Variants in SP140L observed in about 807,000 individuals in gnomAD.
The protein encoded by SP140L is nuclear body protein SP140-like protein.
SP140L carries 64 observed loss-of-function variants against 84.3 expected under a neutral mutation model. That is an observed-to-expected ratio of 0.76 (90% confidence interval 0.62 to 0.94). The LOEUF is 0.94. Ranked by LOEUF, SP140L falls within the 40% of genes least tolerant of loss-of-function variation. The probability of loss-of-function intolerance (pLI) is 0.00; values close to 1 mark genes in which losing one functional copy is unlikely to be tolerated. For synonymous variants in SP140L, 242 were observed against 236.9 expected, an observed-to-expected ratio of 1.02 and a Z score of -0.20; for missense variants, 628 against 692.5, an observed-to-expected ratio of 0.91 and a Z score of 1.05.
At chr2:230,370,068 T>A (rs770930267) in intron 5 of SP140L, among the ~76,000 whole-genome samples, 11 of 152,264 alleles carry the variant, frequency 7.2e-5, no homozygotes, top group East Asian at 1.9e-4. Context: ...CACCGCACCC[T>A]GCCACTTCTT....
chr2:230,376,676 T>G (rs992412672), intron 7 of SP140L, among the ~76,000 whole-genome samples: 3 of 152,090 alleles, frequency 2.0e-5, no homozygotes, highest in African/African-American at 7.2e-5. Flanking sequence ...CAATGAAATC[T>G]CTATCAAAAT....
At chr2:230,342,514 C>T (rs916781474) in intron 2 of SP140L, among the ~76,000 whole-genome samples, 17 of 152,262 alleles carry the variant, frequency 1.1e-4, no homozygotes, top group Admixed American at 9.2e-4. Flanking sequence ...TCTTGGCTCC[C>T]GGAGCCTGCG....
At chr2:230,348,633 T>C (rs773648418) in intron 2 of SP140L, among the ~76,000 whole-genome samples, 6 of 152,244 alleles carry the variant, frequency 3.9e-5, no homozygotes, top group Non-Finnish European at 8.8e-5. Flanking sequence ...ATTGAAAATA[T>C]AATTGGCTAA....
chr2:230,402,884 TG>T lies in SP140L; in HGVS notation c.1734del (p.Asn579ThrfsTer9), dbSNP rs2062419026. 1 of 1,611,798 alleles carries T rather than the reference TG, an allele frequency of 6.2e-7. No individual in the cohort carries two copies. Among genetic ancestry groups the T allele is most frequent in the East Asian group, 2.2e-5 (1 of 44,756 alleles). On this transcript the variant is annotated frameshift_variant, in exon 19 of 19. Coordinates refer to ENST00000415673, the MANE Select transcript of SP140L (RefSeq NM_138402.6). LOFTEE classifies it high-confidence loss of function. ...KEVFAIQETN[G>X]NS ...AAGTGTTTGCTATTCAGGAAACAAA[TG>T]GGAACAGTTGACTGGTTTAGTGGAT...
intron 2 of SP140L, among the ~76,000 whole-genome samples, chr2:230,336,495 G>A (rs756223255): frequency 7.9e-5 from 12 of 152,168 alleles, no homozygotes; most frequent in Non-Finnish European, 1.3e-4. Flanking sequence ...TCTATGAGGA[G>A]GAAACAAGTT....
chr2:230,388,910 G>A, intron 10 of SP140L: 1 of 297,146 alleles, frequency 3.4e-6, no homozygotes, highest in Non-Finnish European at 6.3e-6. Context: ...ATAGGCCATT[G>A]CTGTATAAAG....
intron 2 of SP140L, among the ~76,000 whole-genome samples, chr2:230,355,911 AATAC>A (rs373343353): frequency 1.4e-4 from 22 of 152,274 alleles, no homozygotes; most frequent in African/African-American, 5.3e-4. Context: ...AAATATTTAC[AATAC>A]ATAAATCAGA....
At chr2:230,331,553 C>T (rs2059724686) in intron 2 of SP140L, among the ~76,000 whole-genome samples, 1 of 152,146 alleles carries the variant, frequency 6.6e-6, no homozygotes, top group African/African-American at 2.4e-5. Flanking sequence ...TGCTGGGATT[C>T]AACTGAGAGA....
intron 2 of SP140L, among the ~76,000 whole-genome samples, chr2:230,329,864 C>T (rs1325292150): frequency 1.3e-5 from 2 of 152,122 alleles, no homozygotes; most frequent in African/African-American, 2.4e-5. Flanking sequence ...AAAAATTGAT[C>T]GTGTTTATTT....
intron 2 of SP140L, among the ~76,000 whole-genome samples, chr2:230,348,866 A>C (rs188096099): frequency 6.6e-6 from 1 of 152,256 alleles, no homozygotes; most frequent in Non-Finnish European, 1.5e-5. Context: ...AGATTACTAC[A>C]TAATTTGGGG....
At chr2:230,393,652 G>A (rs1467279723) in intron 13 of SP140L, among the ~76,000 whole-genome samples, 191 bp downstream of exon 13, 2 of 151,986 alleles carry the variant, frequency 1.3e-5, no homozygotes, top group Non-Finnish European at 2.9e-5. Context: ...ATAAAGCTAG[G>A]TCCTCTTTGG....
At chr2:230,390,866 A>G (rs2061772874) in intron 11 of SP140L, among the ~76,000 whole-genome samples, 1 of 152,152 alleles carries the variant, frequency 6.6e-6, no homozygotes, top group Non-Finnish European at 1.5e-5. Flanking sequence ...ACCCCATGTC[A>G]ATTAGTAGTC....
chr2:230,382,763 G>A (rs780103031), intron 7 of SP140L, among the ~76,000 whole-genome samples: 1 of 152,290 alleles, frequency 6.6e-6, no homozygotes, highest in East Asian at 1.9e-4. Flanking sequence ...GTCACTATCC[G>A]GGAAGGAGAT....
chr2:230,360,138 T>C (rs186992809), intron 4 of SP140L, among the ~76,000 whole-genome samples: 12 of 152,294 alleles, frequency 7.9e-5, no homozygotes, highest in African/African-American at 2.9e-4. Context: ...AAATAAGAGA[T>C]AGAGACATCA....
intron 5 of SP140L, among the ~76,000 whole-genome samples, chr2:230,366,170 T>G (rs74269008): frequency 0.16 from 24,401 of 152,144 alleles, 2,456 homozygotes; most frequent in South Asian, 0.23. Context: ...TTTGTCTTTG[T>G]GGATTTTCTG....
chr2:230,355,719 G>A (rs1476517713), intron 2 of SP140L, among the ~76,000 whole-genome samples: 3 of 152,132 alleles, frequency 2.0e-5, no homozygotes, highest in Admixed American at 2.0e-4. Flanking sequence ...ATAAACCCAT[G>A]TTCATATTGT....
chr2:230,359,836 T>C (rs1221067646), intron 4 of SP140L, among the ~76,000 whole-genome samples: 3 of 151,372 alleles, frequency 2.0e-5, no homozygotes, highest in African/African-American at 4.8e-5. Flanking sequence ...GGATAAATAG[T>C]TTTGTTAACC....
At chr2:230,347,826 C>T (rs965909089) in intron 2 of SP140L, among the ~76,000 whole-genome samples, 1 of 152,194 alleles carries the variant, frequency 6.6e-6, no homozygotes, top group African/African-American at 2.4e-5. Context: ...TGCTCCCTGG[C>T]CAAATAGGGT....
intron 13 of SP140L, 82 bp from the exon 14 acceptor site, chr2:230,396,675 G>T (rs2062062822): frequency 4.6e-6 from 7 of 1,520,268 alleles, no homozygotes; most frequent in South Asian, 2.4e-5. Flanking sequence ...TCCCTTCAAA[G>T]ATGACTATTT....
Sources: gnomAD v4.1 joint callset for allele counts (sites outside exome capture counted in the v4.1 genomes callset) on GRCh38, gnomAD v4.1.1 for gene constraint, MANE v1.5 for transcripts, NCBI Gene and HGNC (gene_info 2026-07-23, HGNC 2026-07-21) for gene names.